The following NFX1 variants were observed in gnomAD, a reference collection of about 807,000 sequenced individuals.
NFX1 encodes the protein transcriptional repressor NF-X1.
NFX1 carries 69 observed loss-of-function variants against 137.2 expected under a neutral mutation model. That is an observed-to-expected ratio of 0.50 (90% confidence interval 0.41 to 0.61). The LOEUF is 0.61. NFX1 is among the 20% of genes least tolerant of loss of function. The probability of loss-of-function intolerance (pLI) is 0.00; values close to 1 mark genes in which losing one functional copy is unlikely to be tolerated. For missense variants in NFX1, 1,167 were observed against 1,391.0 expected (o/e 0.84, Z 2.56); for synonymous variants, 495 against 474.1 (o/e 1.04, Z -0.57).
chr9:33,338,225 G>A (rs1035361763), intron 11 of NFX1, among the ~76,000 whole-genome samples: 1 of 148,884 alleles, frequency 6.7e-6, no homozygotes, highest in African/African-American at 2.5e-5. Context: ...TGTGGTGGCA[G>A]GCACCTGTAA....
chr9:33,337,781 G>A (rs1184018572), intron 11 of NFX1, among the ~76,000 whole-genome samples: 1 of 151,972 alleles, frequency 6.6e-6, no homozygotes, highest in Non-Finnish European at 1.5e-5. Context: ...GGGCATGGTG[G>A]TTCACACCTG....
At chr9:33,311,267 A>G (rs1821950016) in intron 6 of NFX1, 90 bp downstream of exon 6, 1 of 1,172,300 alleles carries the variant, frequency 8.5e-7, no homozygotes, top group African/African-American at 1.5e-5. Flanking sequence ...TAGTAGGTAG[A>G]TACAAATAAA....
At chr9:33,357,666 G>A (rs1823855454) in intron 19 of NFX1, among the ~76,000 whole-genome samples, 1 of 151,656 alleles carries the variant, frequency 6.6e-6, no homozygotes. Context: ...AAAATAGATA[G>A]GACTACAGGC....
intron 5 of NFX1, among the ~76,000 whole-genome samples, chr9:33,310,171 A>C (rs983907352): frequency 6.6e-6 from 1 of 152,238 alleles, no homozygotes; most frequent in East Asian, 1.9e-4. Context: ...TTTCATAGAA[A>C]CTAAACATTC....
intron 12 of NFX1, among the ~76,000 whole-genome samples, chr9:33,340,577 G>A (rs1823184415): frequency 6.6e-6 from 1 of 152,188 alleles, no homozygotes; most frequent in Admixed American, 6.5e-5. Flanking sequence ...GCAAATTTCT[G>A]CAGCCAGCTT....
intron 22 of NFX1, 148 bp from the exon 23 acceptor site, chr9:33,367,367 A>G: frequency 1.5e-6 from 1 of 684,224 alleles, no homozygotes; most frequent in Admixed American, 2.4e-5. Context: ...GGTTAAATGC[A>G]GGTGGCCATG....
intron 9 of NFX1, among the ~76,000 whole-genome samples, chr9:33,328,188 T>C (rs2118464587): frequency 6.6e-6 from 1 of 151,818 alleles, no homozygotes; most frequent in African/African-American, 2.4e-5. Context: ...TTTCTTGTTT[T>C]TGTGCTTTTT....
At chr9:33,293,594 A>G (rs1203113689) in intron 1 of NFX1, among the ~76,000 whole-genome samples, 1 of 152,246 alleles carries the variant, frequency 6.6e-6, no homozygotes, top group Non-Finnish European at 1.5e-5. Flanking sequence ...TTACCAATTT[A>G]TAGTATATTC....
intron 11 of NFX1, 37 bp from the exon 12 acceptor site, chr9:33,338,473 G>T: frequency 6.4e-7 from 1 of 1,563,150 alleles, no homozygotes; most frequent in Non-Finnish European, 8.8e-7. Flanking sequence ...CATATCCTTT[G>T]TCTGGTTTTT....
rs148608486 is a variant in NFX1, at chr9:33,355,937, G to A, written c.2873+1045G>A. On this transcript the variant is annotated intron_variant, in intron 19 of 23. Transcript: ENST00000379540. ...TGGGATTACAAGCTTGAGCCACCACGCCCAGCCCAGAACATTCTTAAACTT... is the reference window on the plus strand; with the variant it reads ...TGGGATTACAAGCTTGAGCCACCACACCCAGCCCAGAACATTCTTAAACTT... 8.9e-3 allele frequency among the ~76,000 whole-genome samples: 1,358 copies of A among 152,180 alleles called. 18 individuals are homozygous for A. Among genetic ancestry groups the A allele is most frequent in the African/African-American group, 0.03 (1,263 of 41,512 alleles).
chr9:33,351,470 C>T, intron 15 of NFX1, 90 bp from the exon 16 acceptor site: 2 of 1,270,878 alleles, frequency 1.6e-6, no homozygotes, highest in South Asian at 2.5e-5. Context: ...CCAAACCCTG[C>T]CATAAGCTTA....
chr9:33,322,410 C>G (rs141664476), intron 9 of NFX1, among the ~76,000 whole-genome samples: 1 of 152,170 alleles, frequency 6.6e-6, no homozygotes, highest in Non-Finnish European at 1.5e-5. Flanking sequence ...GGCTTCTTCT[C>G]CCCTCAGCTC....
chr9:33,353,071 A>G (rs987866935), intron 17 of NFX1, among the ~76,000 whole-genome samples: 1 of 152,220 alleles, frequency 6.6e-6, no homozygotes, highest in African/African-American at 2.4e-5. Context: ...ATTTTTAAAA[A>G]TCTGGTTTCT....
In NFX1 at chr9:33,294,370, A is replaced by G. The variant is rs141176897; in HGVS notation, c.26-50A>G. 1.4e-3 allele frequency: 2,012 copies of G among 1,485,908 alleles called. 25 individuals are homozygous for G. The African/African-American group carries it at 0.023, about 17-fold the overall frequency. 92.0% of individuals were successfully genotyped at this position (1,485,908 alleles called of 1,614,324 possible). A position where few individuals can be genotyped will look rare whatever the true frequency, so the allele number is the denominator to read the frequency against. ...ATTTGGCTTGGAGTCTATGAGTTTC[A>G]TGGATGAAGTTTAATCTCTTTACTG... On this transcript the variant is annotated intron_variant, in intron 1 of 23. Coordinates refer to ENST00000379540, the MANE Select transcript of NFX1 (RefSeq NM_002504.6).
At chr9:33,322,405 C>T (rs541939855) in intron 9 of NFX1, among the ~76,000 whole-genome samples, 2 of 152,180 alleles carry the variant, frequency 1.3e-5, no homozygotes, top group South Asian at 4.2e-4. Flanking sequence ...GATGGGGCTT[C>T]TTCTCCCCTC....
intron 19 of NFX1, among the ~76,000 whole-genome samples, chr9:33,355,933 C>G (rs1359118366): frequency 6.6e-6 from 1 of 152,188 alleles, no homozygotes; most frequent in African/African-American, 2.4e-5. Context: ...GCTTGAGCCA[C>G]CACGCCCAGC....
At position 33,301,270 on chromosome 9, in the gene NFX1, A is replaced by G; in HGVS notation, c.1041A>G (p.Leu347=). ...LKNVETHTGS[L]IEQLTTEKYE... ...ATTTTGTTTTTTAAACAGGTTCTCT[A>G]ATTGAACAACTAACAACAGAAAAAT... Residue 347 remains leucine, a synonymous_variant, in exon 3 of 24, where the codon CTA becomes CTG. Coordinates refer to ENST00000379540, the MANE Select transcript of NFX1 (RefSeq NM_002504.6). 2 of 1,611,596 alleles carry G rather than the reference A, an allele frequency of 1.2e-6. No homozygotes were observed. Among genetic ancestry groups the G allele is most frequent in the Non-Finnish European group, 8.5e-7 (1 of 1,179,348 alleles).
chr9:33,346,584 G>A (rs1823429330), intron 14 of NFX1, among the ~76,000 whole-genome samples: 1 of 152,190 alleles, frequency 6.6e-6, no homozygotes, highest in African/African-American at 2.4e-5. Context: ...CCAAGGAAAG[G>A]TTCATTGTAG....
At chr9:33,367,927 C>T (rs547630471) in intron 23 of NFX1, among the ~76,000 whole-genome samples, 3 of 152,190 alleles carry the variant, frequency 2.0e-5, no homozygotes, top group Middle Eastern at 3.4e-3. Context: ...ACTGAAACAT[C>T]GTGTAGTTAG....
Sources: gnomAD v4.1 joint callset for allele counts (sites outside exome capture counted in the v4.1 genomes callset) on GRCh38, gnomAD v4.1.1 for gene constraint, MANE v1.5 for transcripts, NCBI Gene and HGNC (gene_info 2026-07-23, HGNC 2026-07-21) for gene names.